The following GIPC2 variants were observed in gnomAD, a reference collection of about 807,000 sequenced individuals.
GIPC2 encodes PDZ domain-containing protein GIPC2.
In GIPC2, 30 loss-of-function variants were observed where a neutral mutation model predicts 30.6. The ratio of observed to expected loss-of-function variants is 0.98; its 90% CI spans 0.73 to 1.33. The LOEUF (loss-of-function observed/expected upper bound fraction) is 1.33, where lower values mean the gene tolerates loss of function less well. Ranked by LOEUF, GIPC2 falls within the 40% of genes most tolerant of loss-of-function variation. The pLI, the probability that GIPC2 is intolerant of heterozygous loss-of-function variation, is 0.00. For synonymous variants in GIPC2, 167 were observed against 150.0 expected (o/e 1.11, Z -0.83); for missense variants, 414 against 390.3 (o/e 1.06, Z -0.51).
At chr1:78,080,957 G>T in intron 2 of GIPC2, 97 bp downstream of exon 2, 2 of 587,558 alleles carry the variant, frequency 3.4e-6, no homozygotes, top group Non-Finnish European at 5.7e-6. Flanking sequence ...CAGAGTGAGA[G>T]CCCGCTCAGC....
At chr1:78,082,228 A>T (rs1661844615) in intron 2 of GIPC2, among the ~76,000 whole-genome samples, 1 of 152,174 alleles carries the variant, frequency 6.6e-6, no homozygotes, top group South Asian at 2.1e-4. Flanking sequence ...TGGATCTATG[A>T]GGTCTGACTT....
intron 3 of GIPC2, among the ~76,000 whole-genome samples, chr1:78,114,490 A>G (rs1662531103): frequency 6.6e-6 from 1 of 152,238 alleles, no homozygotes; most frequent in Admixed American, 6.5e-5. Context: ...TACCTGGATC[A>G]TAGGCTCATA....
At chr1:78,108,764 G>T (rs1662407436) in intron 3 of GIPC2, among the ~76,000 whole-genome samples, 1 of 152,152 alleles carries the variant, frequency 6.6e-6, no homozygotes. Flanking sequence ...GTGAATGTGG[G>T]GTAGGGAGCA....
chr1:78,129,689 G>A (rs1662854435), intron 5 of GIPC2, among the ~76,000 whole-genome samples: 1 of 152,116 alleles, frequency 6.6e-6, no homozygotes, highest in Non-Finnish European at 1.5e-5. Context: ...TGTTATCCAT[G>A]AAAAAAATTA....
intron 1 of GIPC2, among the ~76,000 whole-genome samples, chr1:78,065,148 A>T (rs7511802): frequency 0.52 from 78,386 of 151,806 alleles, 21,431 homozygotes; most frequent in South Asian, 0.63. Flanking sequence ...AATTTAAAAA[A>T]TTTTTTGTAG....
chr1:78,061,586 T>C (rs1661393984), intron 1 of GIPC2, among the ~76,000 whole-genome samples: 1 of 151,738 alleles, frequency 6.6e-6, no homozygotes, highest in Non-Finnish European at 1.5e-5. Flanking sequence ...CTGCAACCTC[T>C]GCTTCCAGGG....
intron 5 of GIPC2, among the ~76,000 whole-genome samples, chr1:78,130,075 T>A (rs543099185): frequency 6.6e-6 from 1 of 151,874 alleles, no homozygotes; most frequent in East Asian, 1.9e-4. Flanking sequence ...ATAGTGAGAA[T>A]TACATTTCTT....
At chr1:78,123,709 C>G (rs1464846814) in intron 4 of GIPC2, among the ~76,000 whole-genome samples, 1 of 152,170 alleles carries the variant, frequency 6.6e-6, no homozygotes, top group African/African-American at 2.4e-5. Context: ...AGATCCAGAT[C>G]TGTTCCGTAG....
At chr1:78,133,685 G>T (rs633227) in intron 5 of GIPC2, among the ~76,000 whole-genome samples, 36,622 of 151,720 alleles carry the variant, frequency 0.24, 5,168 homozygotes, top group East Asian at 0.75. Context: ...CAAGGGTTCT[G>T]TAGATTAGAC....
At position 78,119,441 on chromosome 1, in the gene GIPC2, G is replaced by A. The variant is rs778051625; in HGVS notation, c.656G>A (p.Gly219Asp). The change falls in exon 4 of 6, where the codon GGT becomes GAT. Residue 219 changes from glycine (G) to aspartate (D), a missense_variant. Transcript: ENST00000370759. ...GGAAAGTCATCAGGAGAAAAAATTG[G>A]TTGTGGAAGGGCAACACTTCGCCTG... Reference protein sequence around the residue: ...KAGKSSGEKIGCGRATLRLRS... With the variant: ...KAGKSSGEKIDCGRATLRLRS... The A allele has an allele frequency of 6.2e-7, 1 of 1,613,488 alleles. No homozygotes were observed. Among genetic ancestry groups the A allele is most frequent in the Non-Finnish European group, 8.5e-7 (1 of 1,179,516 alleles).
intron 3 of GIPC2, among the ~76,000 whole-genome samples, chr1:78,113,608 C>T (rs1050416639): frequency 5.9e-5 from 9 of 152,074 alleles, no homozygotes; most frequent in African/African-American, 2.2e-4. Flanking sequence ...AGGCTGGTCT[C>T]GAATTCCTGG....
chr1:78,055,866 A>C (rs1481163289), intron 1 of GIPC2, among the ~76,000 whole-genome samples: 1 of 152,142 alleles, frequency 6.6e-6, no homozygotes, highest in Non-Finnish European at 1.5e-5. Flanking sequence ...AGACATCTTG[A>C]TTTAGGGGAA....
rs192312977 is a variant in GIPC2 at position 78,111,985 on chromosome 1, A to G, written c.608-7408A>G. Among the ~76,000 whole-genome samples the G allele has an allele frequency of 4.1e-4, 63 of 152,356 alleles. 1 individual carries two copies. In the Middle Eastern group the frequency reaches 0.02, roughly 49 times the overall value. ...GATATCAGTGATCAGAATGCAATTG[A>G]GAGCATTACTTACAAGCATCGTGAT... On this transcript the variant is annotated intron_variant, in intron 3 of 5. Coordinates refer to ENST00000370759, the MANE Select transcript of GIPC2 (RefSeq NM_017655.6).
intron 3 of GIPC2, among the ~76,000 whole-genome samples, chr1:78,097,065 T>C (rs929017678): frequency 5.9e-5 from 9 of 152,198 alleles, no homozygotes; most frequent in African/African-American, 2.2e-4. Flanking sequence ...ACAAAGCTAC[T>C]TTGTTTTTCA....
In GIPC2 at chr1:78,046,310, C is replaced by A; in HGVS notation, c.216C>A (p.Gly72=). 6.2e-7 allele frequency: 1 copy of A among 1,611,268 alleles called. No homozygotes were observed. The highest frequency in any genetic ancestry group is 8.5e-7 in the Non-Finnish European group (1 of 1,179,396). ...AGGAGCTCTACGCCCAGATCGCGGG[C>A]GCGTTTGAAATCTCGCCGTCGGAGG... ...SIQELYAQIA[G]AFEISPSEIL... is the part of the protein sequence containing the mutation. Residue 72 remains glycine (G), a synonymous_variant, in exon 1 of 6, where the codon GGC becomes GGA. Coordinates refer to ENST00000370759, the MANE Select transcript of GIPC2 (RefSeq NM_017655.6).
At chr1:78,060,229 C>T (rs1165444761) in intron 1 of GIPC2, among the ~76,000 whole-genome samples, 1 of 151,792 alleles carries the variant, frequency 6.6e-6, no homozygotes, top group Non-Finnish European at 1.5e-5. Context: ...ACTGAAGCCT[C>T]AACCTCCTAG....
intron 5 of GIPC2, among the ~76,000 whole-genome samples, chr1:78,126,557 A>T (rs1662786230): frequency 6.6e-6 from 1 of 152,186 alleles, no homozygotes; most frequent in African/African-American, 2.4e-5. Context: ...AAGGAAAAAA[A>T]AAAAGGAGAA....
At chr1:78,062,505 C>CTT (rs373436177) in intron 1 of GIPC2, among the ~76,000 whole-genome samples, 1 of 138,644 alleles carries the variant, frequency 7.2e-6, no homozygotes, top group South Asian at 2.3e-4. Flanking sequence ...TTTTCTTTTT[C>CTT]TTTTTTTTTT....
At chr1:78,113,436 G>A (rs1368144697) in intron 3 of GIPC2, among the ~76,000 whole-genome samples, 1 of 152,100 alleles carries the variant, frequency 6.6e-6, no homozygotes, top group African/African-American at 2.4e-5. Flanking sequence ...CACCCAGGCT[G>A]AAGTACAGTG....
Sources: allele counts gnomAD v4.1 joint callset (sites outside exome capture counted in the v4.1 genomes callset), GRCh38; gene constraint gnomAD v4.1.1; transcripts MANE v1.5; gene names NCBI Gene and HGNC (gene_info 2026-07-23, HGNC 2026-07-21).